RBFOX1: variants seen among roughly 807,000 people sequenced by gnomAD.
The protein encoded by RBFOX1 is RNA binding protein fox-1 homolog 1.
A neutral mutation model predicts 57.7 loss-of-function variants in RBFOX1; 8 were observed. The observed-to-expected ratio is 0.14, with a 90% CI of 0.08 to 0.25. The LOEUF (loss-of-function observed/expected upper bound fraction) is 0.25, where lower values mean the gene tolerates loss of function less well. Ranked by LOEUF, RBFOX1 falls within the 10% of genes least tolerant of loss-of-function variation. The probability of loss-of-function intolerance (pLI) is 1.00; values close to 1 mark genes in which losing one functional copy is unlikely to be tolerated. For missense variants in RBFOX1, 611 were observed against 548.5 expected (o/e 1.11, Z -1.14); for synonymous variants, 326 against 222.4 (o/e 1.47, Z -4.15).
At chr16:6,474,735 TG>T (rs972363545) in intron 2 of RBFOX1, among the ~76,000 whole-genome samples, 11 of 152,186 alleles carry the variant, frequency 7.2e-5, no homozygotes, top group African/African-American at 2.7e-4. Context: ...CCTTTCATAC[TG>T]CTGCTGGGAA....
chr16:5,444,387 A>T (rs2068177868), intron 1 of RBFOX1, among the ~76,000 whole-genome samples: 1 of 152,234 alleles, frequency 6.6e-6, no homozygotes, highest in East Asian at 1.9e-4. Flanking sequence ...AAGCATGTAA[A>T]CCATGTGCTA....
At chr16:6,211,034 A>G (rs2097293323) in intron 1 of RBFOX1, among the ~76,000 whole-genome samples, 2 of 152,090 alleles carry the variant, frequency 1.3e-5, no homozygotes, top group South Asian at 4.1e-4. Context: ...TTTGACACTG[A>G]AGAAAACACA....
intron 4 of RBFOX1, among the ~76,000 whole-genome samples, chr16:7,490,931 A>G (rs762226746): frequency 1.4e-4 from 21 of 152,140 alleles, no homozygotes; most frequent in African/African-American, 5.1e-4. Flanking sequence ...GACAGTTTCA[A>G]TCTCTTATCT....
At chr16:5,509,534 A>G (rs1383670083) in intron 2 of RBFOX1, among the ~76,000 whole-genome samples, 1 of 152,228 alleles carries the variant, frequency 6.6e-6, no homozygotes, top group African/African-American at 2.4e-5. Flanking sequence ...AATGAGATGA[A>G]GTGGCTGGCG....
At position 7,187,475 on chromosome 16, in the gene RBFOX1, A is replaced by G. The variant is rs575557452; in HGVS notation, c.27+135377A>G. 8.6e-3 allele frequency among the ~76,000 whole-genome samples: 1,309 copies of G among 151,494 alleles called. 17 individuals carry two copies. The highest frequency in any genetic ancestry group is 0.026 in the African/African-American group (1,076 of 41,308). On this transcript the variant is annotated intron_variant, in intron 4 of 15. Transcript: ENST00000550418. Reference sequence around the variant, plus strand: ...GAGGCCAAGGCGGGCTAATCACGAGATCAGGAGATCGAGACCATCCTGGCT... The same window carrying G: ...GAGGCCAAGGCGGGCTAATCACGAGGTCAGGAGATCGAGACCATCCTGGCT...
At chr16:6,872,796 T>C (rs890275766) in intron 3 of RBFOX1, among the ~76,000 whole-genome samples, 6 of 152,186 alleles carry the variant, frequency 3.9e-5, no homozygotes, top group African/African-American at 1.4e-4. Context: ...GTTGAATTGA[T>C]GCCTTCGAAC....
At chr16:5,647,444 C>T (rs777376934) in intron 3 of RBFOX1, among the ~76,000 whole-genome samples, 3 of 152,114 alleles carry the variant, frequency 2.0e-5, no homozygotes, top group Admixed American at 6.5e-5. Flanking sequence ...ATGTTTTTGG[C>T]AACATGTAAA....
intron 1 of RBFOX1, among the ~76,000 whole-genome samples, chr16:6,101,556 G>C (rs1274114788): frequency 6.6e-6 from 1 of 151,910 alleles, no homozygotes; most frequent in Non-Finnish European, 1.5e-5. Context: ...ATGTGATCTT[G>C]GCACACTGCA....
intron 4 of RBFOX1, among the ~76,000 whole-genome samples, chr16:5,892,803 T>C (rs1335048567): frequency 1.3e-5 from 2 of 152,150 alleles, no homozygotes; most frequent in Non-Finnish European, 2.9e-5. Flanking sequence ...TAAGAGAGCA[T>C]GGCCAAGTCA....
Position 6,680,885 on chromosome 16 carries a change from T to C in RBFOX1, c.-16+26235T>C, listed in dbSNP as rs140971759. Among the ~76,000 whole-genome samples the C allele has an allele frequency of 1.8e-3, 275 of 152,354 alleles. 2 individuals are homozygous for C. The highest frequency in any genetic ancestry group is 6.2e-3 in the African/African-American group (256 of 41,588). The stretch of plus-strand genomic sequence containing the variant: ...ACTGTTTCAGCTACCATGGTGAGCA[T>C]AGAATTGAATCAATATTTATACAAA... On this transcript the variant is annotated intron_variant, in intron 3 of 15. Coordinates refer to ENST00000550418, the MANE Select transcript of RBFOX1 (RefSeq NM_018723.4).
intron 3 of RBFOX1, among the ~76,000 whole-genome samples, chr16:5,845,058 A>AT (rs1768543492): frequency 8.6e-6 from 1 of 116,762 alleles, no homozygotes; most frequent in Non-Finnish European, 1.7e-5. Context: ...ATTACCCGAG[A>AT]TTCTTTTTTT....
At chr16:6,469,308 C>T (rs765633070) in intron 2 of RBFOX1, among the ~76,000 whole-genome samples, 58 of 152,156 alleles carry the variant, frequency 3.8e-4, no homozygotes, top group Non-Finnish European at 5.9e-4. Flanking sequence ...TCTCAAGTTA[C>T]AACCAAGGTA....
intron 4 of RBFOX1, among the ~76,000 whole-genome samples, chr16:7,210,711 C>A (rs956836392): frequency 1.8e-4 from 28 of 152,064 alleles, no homozygotes; most frequent in African/African-American, 6.8e-4. Flanking sequence ...AACATTGTTG[C>A]TCCAATTATC....
At chr16:6,165,176 C>A (rs57179320) in intron 1 of RBFOX1, among the ~76,000 whole-genome samples, 329 of 152,244 alleles carry the variant, frequency 2.2e-3, no homozygotes, top group African/African-American at 7.4e-3. Flanking sequence ...TATTAATACC[C>A]ACCTGACAAG....
intron 1 of RBFOX1, among the ~76,000 whole-genome samples, chr16:6,292,008 T>C (rs1425063687): frequency 3.3e-5 from 5 of 152,092 alleles, no homozygotes; most frequent in Non-Finnish European, 7.4e-5. Context: ...GTCTGTGTTG[T>C]ACAGGAGTAA....
At chr16:5,407,270 C>G (rs1385158563) in intron 1 of RBFOX1, among the ~76,000 whole-genome samples, 1 of 152,156 alleles carries the variant, frequency 6.6e-6, no homozygotes, top group Non-Finnish European at 1.5e-5. Context: ...CACCAGGTCT[C>G]TCCTCAGCAC....
intron 1 of RBFOX1, among the ~76,000 whole-genome samples, chr16:6,091,689 G>T (rs572354479): frequency 1.1e-4 from 17 of 152,264 alleles, no homozygotes; most frequent in African/African-American, 4.1e-4. Flanking sequence ...AATTAGCCAG[G>T]TGTGGTGTCA....
At position 6,423,325 on chromosome 16, in the gene RBFOX1, G is replaced by A. The variant is rs149722366; in HGVS notation, c.-64+106268G>A. Among the ~76,000 whole-genome samples, 127 of 152,320 alleles carry A rather than the reference G, an allele frequency of 8.3e-4. No homozygotes were observed. In the East Asian group the frequency reaches 0.015, roughly 18 times the overall value. On this transcript the variant is annotated intron_variant, in intron 2 of 15. Transcript: ENST00000550418. Reference sequence around the variant, plus strand: ...AGGAGGCACGTCTTCCTGACCAGGCGTGGTGGCTCAGGCCTGTAATCCCAG... The same window carrying A: ...AGGAGGCACGTCTTCCTGACCAGGCATGGTGGCTCAGGCCTGTAATCCCAG...
intron 4 of RBFOX1, among the ~76,000 whole-genome samples, chr16:7,430,049 A>C (rs897324519): frequency 4.6e-5 from 7 of 152,196 alleles, no homozygotes; most frequent in African/African-American, 1.7e-4. Flanking sequence ...ATGATTCTTC[A>C]CAGAGAGTAC....
Sources: gnomAD v4.1 joint callset for allele counts (sites outside exome capture counted in the v4.1 genomes callset) on GRCh38, gnomAD v4.1.1 for gene constraint, MANE v1.5 for transcripts, NCBI Gene and HGNC (gene_info 2026-07-23, HGNC 2026-07-21) for gene names.